SRPK2: variants seen among roughly 807,000 people sequenced by gnomAD.
The protein encoded by SRPK2 is SFRS protein kinase 2.
A neutral mutation model predicts 90.8 loss-of-function variants in SRPK2; 21 were observed. That is an observed-to-expected ratio of 0.23 (90% CI 0.16 to 0.33). The LOEUF (loss-of-function observed/expected upper bound fraction) is 0.33, where lower values mean the gene tolerates loss of function less well. Among genes scored for constraint, SRPK2 ranks in the 10% least tolerant of loss-of-function variants. The pLI is 1.00. For missense variants in SRPK2, 620 were observed against 869.0 expected (o/e 0.71, Z 3.60); for synonymous variants, 288 against 311.1 (o/e 0.93, Z 0.78).
chr7:105,159,466 A>AAAAAAAAAAAAAAAAAAAAAC (rs1316365933), intron 7 of SRPK2, among the ~76,000 whole-genome samples: 210 of 114,276 alleles, frequency 1.8e-3, no homozygotes, highest in Non-Finnish European at 2.8e-3. Flanking sequence ...AAAAAAAAAA[A>AAAAAAAAAAAAAAAAAAAAAC]AAAAAAACCG....
chr7:105,384,904 T>C (rs1232306177), intron 2 of SRPK2, among the ~76,000 whole-genome samples: 1 of 150,464 alleles, frequency 6.6e-6, no homozygotes, highest in Non-Finnish European at 1.5e-5. Flanking sequence ...TGAGACGGAG[T>C]CTGGCTCTGT....
intron 2 of SRPK2, among the ~76,000 whole-genome samples, chr7:105,365,405 G>A (rs1403060533): frequency 6.8e-6 from 1 of 147,208 alleles, no homozygotes; most frequent in Admixed American, 7.0e-5. Context: ...AGAATCGCTT[G>A]AACCCAGGAG....
At chr7:105,124,640 T>TAAAAAA (rs57925635) in intron 15 of SRPK2, among the ~76,000 whole-genome samples, 3 of 52,922 alleles carry the variant, frequency 5.7e-5, no homozygotes, top group Admixed American at 4.5e-4. Flanking sequence ...AAACTCCATC[T>TAAAAAA]AAAAAAAAAA....
intron 11 of SRPK2, among the ~76,000 whole-genome samples, chr7:105,138,428 G>C (rs542178769): frequency 9.9e-5 from 15 of 152,188 alleles, no homozygotes; most frequent in South Asian, 4.1e-4. Context: ...CTACTGTGTT[G>C]GATCATATCC....
intron 2 of SRPK2, chr7:105,244,904 G>A: frequency 4.1e-6 from 6 of 1,471,434 alleles, no homozygotes; most frequent in Non-Finnish European, 5.7e-6. Flanking sequence ...TCCGCGCCAA[G>A]AGGAAGCGGG....
chr7:105,329,556 C>T lies in SRPK2; in HGVS notation c.71+59092G>A, dbSNP rs138174406. Among the ~76,000 whole-genome samples the T allele has an allele frequency of 5.2e-3, 772 of 149,514 alleles. 11 individuals are homozygous for T. The East Asian group carries it at 0.055, about 11-fold the overall frequency. On this transcript the variant is annotated intron_variant, in intron 2 of 15. Coordinates refer to ENST00000393651, the MANE Select transcript of SRPK2 (RefSeq NM_182692.3). ...CTGCAGTGAGCCGAGATCGCACCAC[C>T]GCACTCCAGCCTGGACGACAGAGTG...
chr7:105,371,220 A>T (rs1182192326), intron 2 of SRPK2, among the ~76,000 whole-genome samples: 1 of 151,508 alleles, frequency 6.6e-6, no homozygotes, highest in Non-Finnish European at 1.5e-5. Context: ...CCTGGCCAAC[A>T]TGGCAAAACC....
At chr7:105,164,814 C>T (rs186967659) in intron 6 of SRPK2, among the ~76,000 whole-genome samples, 3 of 152,102 alleles carry the variant, frequency 2.0e-5, no homozygotes, top group Non-Finnish European at 2.9e-5. Context: ...TATCCTTAGG[C>T]TTCTGACATT....
At chr7:105,360,701 T>C (rs1280912687) in intron 2 of SRPK2, among the ~76,000 whole-genome samples, 1 of 152,220 alleles carries the variant, frequency 6.6e-6, no homozygotes, top group Non-Finnish European at 1.5e-5. Flanking sequence ...GCCCCCACTG[T>C]CTTCTGACTT....
At chr7:105,266,348 G>T (rs1805069940) in intron 2 of SRPK2, among the ~76,000 whole-genome samples, 1 of 152,070 alleles carries the variant, frequency 6.6e-6, no homozygotes, top group Admixed American at 6.6e-5. Flanking sequence ...AAAATGAGAT[G>T]AAAAATTACT....
chr7:105,251,027 G>C (rs991524223), intron 2 of SRPK2, among the ~76,000 whole-genome samples: 7 of 152,206 alleles, frequency 4.6e-5, no homozygotes, highest in African/African-American at 1.4e-4. Context: ...CGTGGCAGTG[G>C]AGGAATGAAA....
intron 9 of SRPK2, 51 bp downstream of exon 9, chr7:105,145,230 TAA>T: frequency 2.8e-6 from 4 of 1,418,328 alleles, no homozygotes; most frequent in Non-Finnish European, 3.8e-6. Flanking sequence ...AACTCAATAA[TAA>T]ACGGTCTCTT....
At chr7:105,248,662 C>T (rs886825531) in intron 2 of SRPK2, among the ~76,000 whole-genome samples, 3 of 151,818 alleles carry the variant, frequency 2.0e-5, no homozygotes, top group African/African-American at 4.8e-5. Flanking sequence ...AAGGTTAGTC[C>T]GGGCGCGATG....
At chr7:105,131,277 C>CA (rs1254959044) in intron 13 of SRPK2, among the ~76,000 whole-genome samples, 1 of 152,194 alleles carries the variant, frequency 6.6e-6, no homozygotes, top group African/African-American at 2.4e-5. Flanking sequence ...GACTCCCACT[C>CA]AGTGTCTCCG....
chr7:105,392,185 G>C (rs1822198715), upstream of SRPK2, among the ~76,000 whole-genome samples: 1 of 152,186 alleles, frequency 6.6e-6, no homozygotes, highest in Non-Finnish European at 1.5e-5. Context: ...TGGTTGCCAG[G>C]AGTTGGGGGG....
intron 3 of SRPK2, among the ~76,000 whole-genome samples, chr7:105,187,278 T>C (rs1585103460): frequency 6.6e-6 from 1 of 152,208 alleles, no homozygotes; most frequent in Non-Finnish European, 1.5e-5. Context: ...TTTAATTCCT[T>C]TGTTGCTGGC....
At chr7:105,120,411 G>A (rs1393589602) in intron 15 of SRPK2, among the ~76,000 whole-genome samples, 1 of 152,172 alleles carries the variant, frequency 6.6e-6, no homozygotes, top group Non-Finnish European at 1.5e-5. Context: ...CAGCTGCATA[G>A]TAACAGTGAG....
chr7:105,213,589 C>T (rs1233654497), intron 2 of SRPK2, among the ~76,000 whole-genome samples: 2 of 152,088 alleles, frequency 1.3e-5, no homozygotes, highest in African/African-American at 4.8e-5. Context: ...TTTTAAGTGT[C>T]AAATACAGAT....
chr7:105,370,960 A>C (rs1819627127), intron 2 of SRPK2, among the ~76,000 whole-genome samples: 1 of 152,080 alleles, frequency 6.6e-6, no homozygotes, highest in Non-Finnish European at 1.5e-5. Flanking sequence ...AACTAGAAAG[A>C]TGTCTATGTG....
Sources: allele counts gnomAD v4.1 joint callset (sites outside exome capture counted in the v4.1 genomes callset), GRCh38; gene constraint gnomAD v4.1.1; transcripts MANE v1.5; gene names NCBI Gene and HGNC (gene_info 2026-07-23, HGNC 2026-07-21).